Variants in SEL1L3 observed in about 807,000 individuals in gnomAD.
SEL1L3 encodes the protein SEL1L family member 3, also known as protein sel-1 homolog 3.
SEL1L3 carries 76 observed loss-of-function variants against 142.8 expected under a neutral mutation model. The observed-to-expected ratio is 0.53, with a 90% CI of 0.44 to 0.64. The LOEUF (loss-of-function observed/expected upper bound fraction) is 0.64. Ranked by LOEUF, SEL1L3 falls within the 30% of genes least tolerant of loss-of-function variation. SEL1L3 has a pLI of 0.00. For missense variants in SEL1L3, 1,262 were observed against 1,381.7 expected, an observed-to-expected ratio of 0.91 and a Z score of 1.37; for synonymous variants, 504 against 519.6, an observed-to-expected ratio of 0.97 and a Z score of 0.41.
intron 13 of SEL1L3, among the ~76,000 whole-genome samples, chr4:25,785,674 G>C (rs950851404): frequency 1.3e-5 from 2 of 152,144 alleles, no homozygotes; most frequent in Non-Finnish European, 2.9e-5. Context: ...TAATTAGGGA[G>C]GAAGAGGAGA....
rs118125870 is a variant in SEL1L3, at chr4:25,860,194, T to C, written c.162+2481A>G. ...AATACTGGATAATGCCTATAAACGA[T>C]TTAGCACAATGTATAGCACAATGTA... is the stretch of plus-strand genomic sequence containing the variant. On this transcript the variant is annotated intron_variant, in intron 1 of 23. Coordinates refer to ENST00000399878, the MANE Select transcript of SEL1L3 (RefSeq NM_015187.5). 2.5e-4 allele frequency among the ~76,000 whole-genome samples: 38 copies of C among 152,314 alleles called. No individual in the cohort carries two copies. In the East Asian group the frequency reaches 6.4e-3, roughly 26 times the overall value.
chr4:25,847,803 T>C lies in SEL1L3; in HGVS notation c.224A>G (p.Glu75Gly), dbSNP rs369668413. 2.4e-5 allele frequency: 39 copies of C among 1,612,294 alleles called. No homozygotes were observed. The African/African-American group carries it at 4.9e-4, about 20-fold the overall frequency. ...SLTTSVIPKA[E>G]QSVAYKDFIY... Reference sequence around the variant, plus strand: ...AAAGTCTTTGTAAGCCACGCTCTGCTCAGCTTTGGGTATCACTGATGTCGT... The same window carrying C: ...AAAGTCTTTGTAAGCCACGCTCTGCCCAGCTTTGGGTATCACTGATGTCGT... The change falls in exon 2 of 24, where the codon GAG (glutamate) becomes GGG (glycine). Residue 75 changes from glutamate to glycine, a missense_variant. By Grantham distance (98) the Glu-to-Gly change is moderately conservative. This residue lies in a region of SEL1L3 where 689 missense variants were observed against 692.8 expected (regional missense o/e 0.99). Coordinates refer to ENST00000399878, the MANE Select transcript of SEL1L3 (RefSeq NM_015187.5).
At chr4:25,838,529 C>G (rs1015373999) in intron 2 of SEL1L3, among the ~76,000 whole-genome samples, 1 of 152,196 alleles carries the variant, frequency 6.6e-6, no homozygotes, top group Non-Finnish European at 1.5e-5. Flanking sequence ...ACAAGTCCTC[C>G]CAGAGAGAAC....
chr4:25,724,774 A>AAAAAAAAAAAAAAAAAAAAAAAGT, the SEL1L3 span, among the ~76,000 whole-genome samples: 1 of 127,704 alleles, frequency 7.8e-6, no homozygotes, highest in Non-Finnish European at 1.7e-5. Context: ...AAAAAAAAGG[A>AAAAAAAAAAAAAAAAAAAAAAAGT]AAAGAAATTA....
At chr4:25,729,337 T>A in the SEL1L3 span, among the ~76,000 whole-genome samples, 1 of 151,944 alleles carries the variant, frequency 6.6e-6, no homozygotes. Flanking sequence ...GAACATGGAA[T>A]GTATATAACA....
chr4:25,831,820 T>C (rs143202332), intron 5 of SEL1L3, among the ~76,000 whole-genome samples: 79 of 152,184 alleles, frequency 5.2e-4, no homozygotes, highest in African/African-American at 1.9e-3. Context: ...CACCCAGCTA[T>C]CATCTGGCAA....
At chr4:25,717,862 G>A in the SEL1L3 span, among the ~76,000 whole-genome samples, 17 of 152,092 alleles carry the variant, frequency 1.1e-4, no homozygotes, top group Non-Finnish European at 2.1e-4. Context: ...CTAAGATAAA[G>A]GTTAAACAAT....
chr4:25,827,151 A>G (rs1192955738), intron 6 of SEL1L3, among the ~76,000 whole-genome samples: 2 of 152,174 alleles, frequency 1.3e-5, no homozygotes, highest in Non-Finnish European at 2.9e-5. Flanking sequence ...TAAAAACATC[A>G]TATTAATATG....
chr4:25,804,658 T>G lies in SEL1L3; in HGVS notation c.1659A>C (p.Gln553His). ...KRLSSIDGLH[Q>H]ISSIVPFLTD... ...TCAGAAAGGGGACGATAGAGCTAATTTGGTGAAGACCATCAATGCTAGAGA... is the reference window on the plus strand; with the variant it reads ...TCAGAAAGGGGACGATAGAGCTAATGTGGTGAAGACCATCAATGCTAGAGA... The change falls in exon 10 of 24, where the codon CAA becomes CAC. Residue 553 changes from glutamine (Q) to histidine (H), a missense_variant. By Grantham distance (24) the Gln-to-His change is conservative. This residue lies in a region of SEL1L3 where 689 missense variants were observed against 692.8 expected (regional missense o/e 0.99). Transcript: ENST00000399878. The G allele has an allele frequency of 1.2e-6, 2 of 1,613,692 alleles. No homozygotes were observed. The highest frequency in any genetic ancestry group is 1.3e-5 in the African/African-American group (1 of 75,044).
intron 1 of SEL1L3, among the ~76,000 whole-genome samples, chr4:25,853,216 G>A: frequency 6.6e-6 from 1 of 152,106 alleles, no homozygotes; most frequent in Non-Finnish European, 1.5e-5. Flanking sequence ...ACTCCAGACT[G>A]AGCAATAGAG....
the SEL1L3 span, among the ~76,000 whole-genome samples, chr4:25,736,285 G>A: frequency 1.4e-5 from 2 of 144,006 alleles, no homozygotes; most frequent in African/African-American, 2.5e-5. Flanking sequence ...GTGCAGTGGT[G>A]CGATCTCAGC....
intron 17 of SEL1L3, among the ~76,000 whole-genome samples, chr4:25,771,516 T>A (rs568192918): frequency 1.3e-5 from 2 of 152,284 alleles, no homozygotes; most frequent in South Asian, 4.1e-4. Flanking sequence ...ATTATATTAT[T>A]TTGCACGTGC....
chr4:25,801,128 C>T (rs896707693), intron 11 of SEL1L3, among the ~76,000 whole-genome samples: 13 of 152,238 alleles, frequency 8.5e-5, no homozygotes, highest in African/African-American at 2.7e-4. Flanking sequence ...ACTTGCCAGG[C>T]ACAGTGGCTC....
the SEL1L3 span, among the ~76,000 whole-genome samples, chr4:25,738,747 C>G: frequency 1.3e-5 from 2 of 152,218 alleles, no homozygotes; most frequent in Non-Finnish European, 2.9e-5. Context: ...GTGCAAGACT[C>G]TGCTCTTGTT....
chr4:25,726,921 G>A, the SEL1L3 span, among the ~76,000 whole-genome samples: 3 of 152,166 alleles, frequency 2.0e-5, no homozygotes, highest in Non-Finnish European at 2.9e-5. Flanking sequence ...TGAAGGTGTT[G>A]CCAGGTTTGG....
intron 19 of SEL1L3, 136 bp downstream of exon 19, chr4:25,767,389 T>C (rs1718818298): frequency 3.1e-6 from 2 of 642,544 alleles, no homozygotes; most frequent in Non-Finnish European, 5.6e-6. Context: ...TTAGCGATCT[T>C]AATAGCAGAG....
At chr4:25,808,469 G>A (rs975913683) in intron 9 of SEL1L3, among the ~76,000 whole-genome samples, 3 of 152,102 alleles carry the variant, frequency 2.0e-5, no homozygotes, top group African/African-American at 7.2e-5. Flanking sequence ...CTTGCTAAAG[G>A]CCCCGGAGCT....
At chr4:25,863,082 T>TGCCCA (rs1187628645), upstream of SEL1L3, 6 of 70,412 alleles carry the variant, frequency 8.5e-5, no homozygotes, top group African/African-American at 2.7e-4. Flanking sequence ...TCTGCCTCCC[T>TGCCCA]GCCCAGCCCT....
chr4:25,787,981 C>T (rs771360513), intron 13 of SEL1L3, among the ~76,000 whole-genome samples: 2 of 152,162 alleles, frequency 1.3e-5, no homozygotes, highest in Non-Finnish European at 1.5e-5. Flanking sequence ...TCCAGAATGC[C>T]GTGGTTCTTG....
Sources: allele counts gnomAD v4.1 joint callset (sites outside exome capture counted in the v4.1 genomes callset), GRCh38; gene constraint gnomAD v4.1.1; regional missense constraint gnomAD v4.1.1; transcripts MANE v1.5; gene names NCBI Gene and HGNC (gene_info 2026-07-23, HGNC 2026-07-21).